The following P4HA3 variants were observed in gnomAD, a reference collection of about 807,000 sequenced individuals.
P4HA3 encodes prolyl 4-hydroxylase subunit alpha 3.
P4HA3 carries 60 observed loss-of-function variants against 66.7 expected under a neutral mutation model. The observed-to-expected ratio is 0.90, with a 90% confidence interval of 0.73 to 1.12. The LOEUF (loss-of-function observed/expected upper bound fraction) is 1.12, where lower values mean the gene tolerates loss of function less well. P4HA3 is among the 50% of genes most tolerant of loss of function. The pLI, the probability that P4HA3 is intolerant of heterozygous loss-of-function variation, is 0.00. For missense variants in P4HA3, 683 were observed against 685.8 expected, an observed-to-expected ratio of 1.00 and a Z score of 0.05; for synonymous variants, 263 against 274.6, an observed-to-expected ratio of 0.96 and a Z score of 0.42.
In P4HA3 at chr11:74,285,464, G is replaced by C. The variant is rs190718991; in HGVS notation, c.1110+345C>G. ...TTCTTTTTTATTTGTCTTTTTTTAG[G>C]TTAAACTTACATACAATGATATACA... On this transcript the variant is annotated intron_variant, in intron 7 of 12. Transcript: ENST00000331597. The C allele has an allele frequency of 3.2e-3, 521 of 164,776 alleles. 3 individuals are homozygous for C. Among genetic ancestry groups the C allele is most frequent in the Middle Eastern group, 0.028 (10 of 352 alleles). The allele number at this position is 164,776 out of a possible 1,614,324, so 10.2% of individuals were successfully genotyped here.
Position 74,279,423 on chromosome 11 carries a change from C to A in P4HA3, c.1140G>T (p.Glu380Asp). ...WLQRSVVASGEKQLQVEYRIS... is the reference protein window; with the variant it reads ...WLQRSVVASGDKQLQVEYRIS... ...TGCGGTACTCCACTTGTAACTGCTT[C>A]TCCCCTGATGCCACCACTGACCTCT... The change falls in exon 8 of 13, where the codon GAG (glutamate) becomes GAT (aspartate). Residue 380 changes from glutamate to aspartate, a missense_variant. Coordinates refer to ENST00000331597, the MANE Select transcript of P4HA3 (RefSeq NM_182904.5). 6.2e-7 allele frequency: 1 copy of A among 1,613,950 alleles called. No homozygotes were observed. Among genetic ancestry groups the A allele is most frequent in the Non-Finnish European group, 8.5e-7 (1 of 1,179,872 alleles).
chr11:74,286,120 C>A (rs1323519180), intron 6 of P4HA3, 108 bp downstream of exon 6: 3 of 1,487,960 alleles, frequency 2.0e-6, no homozygotes, highest in Non-Finnish European at 2.7e-6. Flanking sequence ...CCCAAGTGAG[C>A]TTTATTGTTT....
chr11:74,293,772 G>A (rs1861118157), intron 4 of P4HA3, among the ~76,000 whole-genome samples: 1 of 152,174 alleles, frequency 6.6e-6, no homozygotes, highest in Non-Finnish European at 1.5e-5. Context: ...TTGAATATTG[G>A]TCCCCACTCT....
chr11:74,261,719 G>C (rs1432776482), downstream of P4HA3, among the ~76,000 whole-genome samples: 1 of 151,876 alleles, frequency 6.6e-6, no homozygotes, highest in East Asian at 1.9e-4. Context: ...AGTCATCCCA[G>C]CATCCTCAGC....
chr11:74,267,460 C>A lies in P4HA3; in HGVS notation c.1565-142G>T, dbSNP rs1860028994. Reference sequence around the variant, plus strand: ...AGGTAACTCACTTGCCCAGCCTAGTCCTGGCCTCACTATGGACTACAAGCT... The same window carrying A: ...AGGTAACTCACTTGCCCAGCCTAGTACTGGCCTCACTATGGACTACAAGCT... On this transcript the variant is annotated intron_variant, in intron 12 of 12. Transcript: ENST00000331597. 6 of 993,998 alleles carry A rather than the reference C, an allele frequency of 6.0e-6. No homozygotes were observed. In the South Asian group the frequency reaches 6.8e-5, roughly 11 times the overall value. 61.6% of individuals were successfully genotyped at this position (993,998 alleles called of 1,614,324 possible). A position where few individuals can be genotyped will look rare whatever the true frequency, so the allele number is the denominator to read the frequency against.
At chr11:74,302,173 G>A (rs899904241) in intron 3 of P4HA3, among the ~76,000 whole-genome samples, 196 bp downstream of exon 3, 1 of 152,120 alleles carries the variant, frequency 6.6e-6, no homozygotes, top group Non-Finnish European at 1.5e-5. Flanking sequence ...CTTTAGTTCT[G>A]CCCTTAAAAT....
At chr11:74,272,408 C>A (rs887578895) in intron 10 of P4HA3, among the ~76,000 whole-genome samples, 3 of 152,136 alleles carry the variant, frequency 2.0e-5, no homozygotes, top group Admixed American at 6.5e-5. Flanking sequence ...TTCATTCTTT[C>A]GCCGTTTGTG....
At chr11:74,280,093 A>C (rs1206180183) in intron 7 of P4HA3, among the ~76,000 whole-genome samples, 2 of 152,186 alleles carry the variant, frequency 1.3e-5, no homozygotes, top group African/African-American at 4.8e-5. Context: ...AGTTTTGATA[A>C]CACTAGTTTA....
At chr11:74,278,184 CA>C (rs142068684) in intron 8 of P4HA3, among the ~76,000 whole-genome samples, 4,326 of 152,178 alleles carry the variant, frequency 0.028, 207 homozygotes, top group African/African-American at 0.097. Flanking sequence ...ACATTTAAGC[CA>C]AATTTTGAAG....
At chr11:74,296,934 C>CTTT (rs540922878) in intron 4 of P4HA3, among the ~76,000 whole-genome samples, 35 of 123,916 alleles carry the variant, frequency 2.8e-4, no homozygotes, top group South Asian at 1.1e-3. Context: ...TTCTTTTTTT[C>CTTT]TTTTTTTTTT....
intron 15 of P4HA3, among the ~76,000 whole-genome samples, chr11:74,258,056 C>T (rs1328242379): frequency 6.6e-6 from 1 of 152,194 alleles, no homozygotes; most frequent in Non-Finnish European, 1.5e-5. Flanking sequence ...AGTCACACTC[C>T]TCCCTGCAGT....
intron 3 of P4HA3, among the ~76,000 whole-genome samples, chr11:74,298,686 C>G (rs1861303760): frequency 6.6e-6 from 1 of 152,142 alleles, no homozygotes. Flanking sequence ...AGGGAGGAGA[C>G]TTGGGAATCT....
At chr11:74,304,200 ATCTC>A in intron 2 of P4HA3, 66 bp downstream of exon 2, 3 of 1,559,300 alleles carry the variant, frequency 1.9e-6, no homozygotes, top group Non-Finnish European at 2.6e-6. Context: ...TCCCAACAGA[ATCTC>A]TCTCCTTACC....
chr11:74,267,457 A>G (rs923968396), intron 12 of P4HA3, 139 bp from the exon 13 acceptor site: 2 of 1,030,138 alleles, frequency 1.9e-6, no homozygotes, highest in Non-Finnish European at 2.8e-6. Flanking sequence ...TGCCCAGCCT[A>G]GTCCTGGCCT....
rs11236036 is a variant in P4HA3 at position 74,253,190 on chromosome 11, C to T, written c.*1319-5189G>A. Among the ~76,000 whole-genome samples, 6 of 152,256 alleles carry T rather than the reference C, an allele frequency of 3.9e-5. No individual in the cohort carries two copies. The East Asian group carries it at 1.2e-3, about 29-fold the overall frequency. On this transcript the variant is annotated intron_variant and NMD_transcript_variant, in intron 15 of 15. Transcript: ENST00000524388. ...GACAGTGAACCACAGAAGCGACACC[C>T]CTATGCTGAGCCATCCCTCTAACAA...
intron 7 of P4HA3, chr11:74,285,432 T>C (rs1474318494): frequency 6.3e-6 from 1 of 157,580 alleles, no homozygotes; most frequent in Non-Finnish European, 1.4e-5. Context: ...TTGACACTTT[T>C]GAAGTGTTCT....
At chr11:74,288,649 T>C (rs1318602357) in intron 5 of P4HA3, among the ~76,000 whole-genome samples, 1 of 152,060 alleles carries the variant, frequency 6.6e-6, no homozygotes, top group Non-Finnish European at 1.5e-5. Context: ...GATTATGAAA[T>C]TAAGATAATA....
At chr11:74,281,795 A>G (rs1860606773) in intron 7 of P4HA3, among the ~76,000 whole-genome samples, 1 of 151,870 alleles carries the variant, frequency 6.6e-6, no homozygotes. Context: ...TAGTGGGTGC[A>G]GCGCACCAGC....
intron 15 of P4HA3, chr11:74,251,672 C>G: frequency 6.2e-7 from 1 of 1,613,880 alleles, no homozygotes. Flanking sequence ...TGCCACTTTC[C>G]TGATCCGGCA....
Sources: gnomAD v4.1 joint callset for allele counts (sites outside exome capture counted in the v4.1 genomes callset) on GRCh38, gnomAD v4.1.1 for gene constraint, MANE v1.5 for transcripts, NCBI Gene and HGNC (gene_info 2026-07-23, HGNC 2026-07-21) for gene names.